PCGF5: variants seen among roughly 807,000 people sequenced by gnomAD.
The protein encoded by PCGF5 is polycomb group ring finger 5.
A neutral mutation model predicts 44.3 loss-of-function variants in PCGF5; 9 were observed. The ratio of observed to expected loss-of-function variants is 0.20; its 90% CI spans 0.12 to 0.35. The LOEUF (loss-of-function observed/expected upper bound fraction) is 0.35, where lower values mean the gene tolerates loss of function less well. PCGF5 is among the 10% of genes least tolerant of loss of function. PCGF5 has a pLI of 1.00. For missense variants in PCGF5, 146 were observed against 305.3 expected (o/e 0.48, Z 3.89); for synonymous variants, 95 against 102.5 (o/e 0.93, Z 0.44).
intron 9 of PCGF5, among the ~76,000 whole-genome samples, chr10:91,273,165 G>A (rs1287821058): frequency 6.6e-6 from 1 of 152,146 alleles, no homozygotes; most frequent in Non-Finnish European, 1.5e-5. Flanking sequence ...CAAGTCTGAG[G>A]GAGAAAGATC....
chr10:91,184,535 A>C (rs1843883079), intron 1 of PCGF5, among the ~76,000 whole-genome samples: 1 of 152,150 alleles, frequency 6.6e-6, no homozygotes, highest in Non-Finnish European at 1.5e-5. Flanking sequence ...TTTTATCCAT[A>C]TTCTGAATTC....
At chr10:91,168,482 T>A (rs572936280) in intron 1 of PCGF5, among the ~76,000 whole-genome samples, 1 of 152,202 alleles carries the variant, frequency 6.6e-6, no homozygotes, top group Admixed American at 6.5e-5. Flanking sequence ...TGGGGATTAG[T>A]GGGGACAAGT....
At chr10:91,259,603 T>C (rs1211253309) in intron 6 of PCGF5, among the ~76,000 whole-genome samples, 2 of 152,172 alleles carry the variant, frequency 1.3e-5, no homozygotes, top group African/African-American at 4.8e-5. Context: ...AACAGCATGG[T>C]ACTGGTACCA....
At chr10:91,262,193 G>A (rs532636739) in intron 7 of PCGF5, among the ~76,000 whole-genome samples, 41 of 152,246 alleles carry the variant, frequency 2.7e-4, no homozygotes, top group Non-Finnish European at 2.4e-4. Flanking sequence ...GGGAGGCGGA[G>A]GCTAGTGGGG....
the PCGF5 span, among the ~76,000 whole-genome samples, chr10:91,156,661 G>A: frequency 5.5e-3 from 836 of 152,230 alleles, 7 homozygotes; most frequent in South Asian, 0.016. Context: ...ATTATGAAAG[G>A]CAAAGTGGAT....
intron 6 of PCGF5, among the ~76,000 whole-genome samples, chr10:91,252,705 AG>A (rs1309176668): frequency 6.6e-6 from 1 of 152,008 alleles, no homozygotes; most frequent in Non-Finnish European, 1.5e-5. Context: ...TTTTTCATAG[AG>A]TTCATGGTCA....
intron 1 of PCGF5, among the ~76,000 whole-genome samples, chr10:91,205,253 G>A (rs981333081): frequency 1.3e-4 from 20 of 151,738 alleles, no homozygotes; most frequent in African/African-American, 4.6e-4. Context: ...GGCTATTATG[G>A]AACGATTTTT....
chr10:91,231,493 G>A (rs1365384562), intron 2 of PCGF5, among the ~76,000 whole-genome samples: 1 of 152,262 alleles, frequency 6.6e-6, no homozygotes, highest in African/African-American at 2.4e-5. Context: ...GGTGTTTCAG[G>A]TAGAGGGAAT....
At chr10:91,185,118 C>G (rs1423036481) in intron 1 of PCGF5, among the ~76,000 whole-genome samples, 1 of 152,226 alleles carries the variant, frequency 6.6e-6, no homozygotes, top group Non-Finnish European at 1.5e-5. Flanking sequence ...ACAGCTAAGT[C>G]ACCCAGACAG....
intron 6 of PCGF5, among the ~76,000 whole-genome samples, chr10:91,258,237 G>A (rs977629966): frequency 1.3e-5 from 2 of 152,042 alleles, no homozygotes; most frequent in African/African-American, 2.4e-5. Flanking sequence ...ACAACTTTGC[G>A]AATAGTATAA....
chr10:91,265,532 TAAAAA>T (rs68030127), intron 8 of PCGF5, among the ~76,000 whole-genome samples: 4 of 150,480 alleles, frequency 2.7e-5, no homozygotes, highest in Non-Finnish European at 5.9e-5. Context: ...ATGTAAATCA[TAAAAA>T]AAAACAAAAT....
intron 9 of PCGF5, among the ~76,000 whole-genome samples, chr10:91,272,853 C>G (rs1025176033): frequency 2.0e-5 from 3 of 152,106 alleles, no homozygotes; most frequent in African/African-American, 7.2e-5. Context: ...TCTTTATTTC[C>G]TTGGAGCCAG....
At chr10:91,229,480 T>C (rs984059238) in intron 2 of PCGF5, among the ~76,000 whole-genome samples, 2 of 152,108 alleles carry the variant, frequency 1.3e-5, no homozygotes, top group African/African-American at 4.8e-5. Context: ...CTGAGAGAGG[T>C]TAAGTAACAG....
chr10:91,204,635 C>T (rs185867320), intron 1 of PCGF5, among the ~76,000 whole-genome samples: 1 of 152,228 alleles, frequency 6.6e-6, no homozygotes, highest in Admixed American at 6.5e-5. Context: ...AACATGAGAA[C>T]CCAGAAAATG....
intron 3 of PCGF5, 21 bp downstream of exon 3, chr10:91,240,601 A>C (rs1185099411): frequency 1.3e-6 from 2 of 1,497,338 alleles, no homozygotes; most frequent in African/African-American, 2.8e-5. Context: ...TATATTTTAC[A>C]GTTCATCTAA....
chr10:91,192,162 T>C (rs1210884135), intron 1 of PCGF5, among the ~76,000 whole-genome samples: 2 of 152,214 alleles, frequency 1.3e-5, no homozygotes, highest in Non-Finnish European at 2.9e-5. Flanking sequence ...TCATTTCTGA[T>C]AGTACTTCCT....
chr10:91,242,394 C>A (rs530911253), intron 3 of PCGF5, among the ~76,000 whole-genome samples: 18 of 150,612 alleles, frequency 1.2e-4, no homozygotes, highest in African/African-American at 4.2e-4. Context: ...CTGTTAAAAT[C>A]TATAATAACT....
At chr10:91,231,759 A>T (rs1255540695) in intron 2 of PCGF5, among the ~76,000 whole-genome samples, 1 of 152,238 alleles carries the variant, frequency 6.6e-6, no homozygotes, top group Non-Finnish European at 1.5e-5. Flanking sequence ...GGAATCACTC[A>T]GACTACTATG....
intron 1 of PCGF5, among the ~76,000 whole-genome samples, chr10:91,180,190 G>A (rs1843793885): frequency 6.6e-6 from 1 of 151,994 alleles, no homozygotes; most frequent in Non-Finnish European, 1.5e-5. Flanking sequence ...CTTTTTAATG[G>A]AGTGGTTTGT....
Sources: allele counts gnomAD v4.1 joint callset (sites outside exome capture counted in the v4.1 genomes callset), GRCh38; gene constraint gnomAD v4.1.1; transcripts MANE v1.5; gene names NCBI Gene and HGNC (gene_info 2026-07-23, HGNC 2026-07-21).